Variants in PCGF6 observed in about 807,000 individuals in gnomAD.
The protein encoded by PCGF6 is polycomb group RING finger protein 6.
A neutral mutation model predicts 45.5 loss-of-function variants in PCGF6; 24 were observed. The observed-to-expected ratio is 0.53, with a 90% CI of 0.38 to 0.74. The LOEUF (loss-of-function observed/expected upper bound fraction) is 0.74. Among genes scored for constraint, PCGF6 ranks in the 30% least tolerant of loss-of-function variants. The probability of loss-of-function intolerance (pLI) is 0.00; values close to 1 mark genes in which losing one functional copy is unlikely to be tolerated. For missense variants in PCGF6, 356 were observed against 443.2 expected (o/e 0.80, Z 1.77); for synonymous variants, 152 against 162.1 (o/e 0.94, Z 0.47).
intron 9 of PCGF6, 63 bp from the exon 10 acceptor site, chr10:103,304,024 A>G (rs367564774): frequency 7.3e-7 from 1 of 1,375,038 alleles, no homozygotes; most frequent in Admixed American, 1.9e-5. Context: ...CAAATGATCA[A>G]GTCAAAGCTG....
intron 8 of PCGF6, among the ~76,000 whole-genome samples, chr10:103,319,868 C>T (rs764561446): frequency 1.3e-5 from 2 of 151,894 alleles, no homozygotes; most frequent in Non-Finnish European, 2.9e-5. Context: ...TGCAGTGGTG[C>T]GATCTCGGCT....
intron 6 of PCGF6, among the ~76,000 whole-genome samples, chr10:103,336,648 G>A (rs1035025936): frequency 6.6e-6 from 1 of 152,150 alleles, no homozygotes; most frequent in Non-Finnish European, 1.5e-5. Context: ...GCTGAGGTAG[G>A]TGGATCGCTT....
intron 7 of PCGF6, among the ~76,000 whole-genome samples, chr10:103,327,493 T>C (rs1488216726): frequency 6.6e-6 from 1 of 152,122 alleles, no homozygotes; most frequent in African/African-American, 2.4e-5. Context: ...TACATGAATA[T>C]CTGATCAAGG....
intron 1 of PCGF6, 70 bp downstream of exon 1, chr10:103,350,637 G>A (rs1309613038): frequency 7.4e-7 from 1 of 1,346,748 alleles, no homozygotes; most frequent in Non-Finnish European, 9.6e-7. Flanking sequence ...GCCGGCGCCC[G>A]GCAGACGAGG....
intron 6 of PCGF6, among the ~76,000 whole-genome samples, chr10:103,334,578 T>C (rs2093250139): frequency 6.6e-6 from 1 of 152,220 alleles, no homozygotes; most frequent in African/African-American, 2.4e-5. Context: ...TTTTCCTCTC[T>C]ATAGTAACAT....
chr10:103,340,690 G>A (rs926539652), intron 6 of PCGF6, among the ~76,000 whole-genome samples: 2 of 151,580 alleles, frequency 1.3e-5, no homozygotes, highest in Admixed American at 6.6e-5. Context: ...TCAAACTCCC[G>A]GGCTCAGTCG....
At chr10:103,339,807 AAAAACACAC>A (rs1223449946) in intron 6 of PCGF6, among the ~76,000 whole-genome samples, 459 of 45,168 alleles carry the variant, frequency 0.01, 28 homozygotes, top group Middle Eastern at 0.076. Flanking sequence ...GTCTCAAAAA[AAAAACACAC>A]ACACACACAC....
At chr10:103,317,778 CAG>C (rs1216386588) in intron 8 of PCGF6, among the ~76,000 whole-genome samples, 1 of 150,952 alleles carries the variant, frequency 6.6e-6, no homozygotes, top group Non-Finnish European at 1.5e-5. Context: ...TTTTTTGAGA[CAG>C]AGTTTCGCTC....
At chr10:103,327,051 C>A (rs2093221565) in intron 7 of PCGF6, among the ~76,000 whole-genome samples, 1 of 152,168 alleles carries the variant, frequency 6.6e-6, no homozygotes. Context: ...CTTTGGGAGG[C>A]AGAGGCAGGC....
chr10:103,314,954 TAAAAAAAAAAAAAA>T (rs60182387), intron 8 of PCGF6, among the ~76,000 whole-genome samples: 2 of 57,180 alleles, frequency 3.5e-5, no homozygotes, highest in Non-Finnish European at 5.8e-5. Flanking sequence ...GACTCTGTCA[TAAAAAAAAAAAAAA>T]AAAAAAAAAA....
At position 103,304,046 on chromosome 10, in the gene PCGF6, T is replaced by C. The variant is rs147524494; in HGVS notation, c.997-85A>G. ...TCAAGTCAAAGCTGGCTTACTTTTT[T>C]TTAATAATCTAACACTAAGGTGAAA... On this transcript the variant is annotated intron_variant, in intron 9 of 9. Coordinates refer to ENST00000369847, the MANE Select transcript of PCGF6 (RefSeq NM_001011663.2). 1.3e-3 allele frequency: 1,385 copies of C among 1,058,970 alleles called. 11 individuals are homozygous for C. In the African/African-American group the frequency reaches 0.019, roughly 15 times the overall value. The allele number at this position is 1,058,970 out of a possible 1,614,324, so 65.6% of individuals were successfully genotyped here.
At position 103,350,995 on chromosome 10, in the gene PCGF6, C is replaced by CGGAGGT. The variant is rs1393913703; in HGVS notation, c.71_72insACCTCC (p.Pro27_Pro28dup). ...CGGGCGGGGAGACAGGAGGCGGAGG[C>CGGAGGT]GGCAAGGCTGCAGCTCCCTCGGTTT... On this transcript the variant is annotated inframe_insertion, in exon 1 of 10. Coordinates refer to ENST00000369847, the MANE Select transcript of PCGF6 (RefSeq NM_001011663.2). The CGGAGGT allele has an allele frequency of 6.9e-7, 1 of 1,439,646 alleles. No individual in the cohort carries two copies. Among genetic ancestry groups the CGGAGGT allele is most frequent in the Non-Finnish European group, 9.1e-7 (1 of 1,098,528 alleles). The allele number at this position is 1,439,646 out of a possible 1,614,324, so 89.2% of individuals were successfully genotyped here. A position where few individuals can be genotyped will look rare whatever the true frequency, so the allele number is the denominator to read the frequency against.
intron 9 of PCGF6, among the ~76,000 whole-genome samples, chr10:103,304,337 T>C (rs932312326): frequency 1.3e-5 from 2 of 151,888 alleles, no homozygotes; most frequent in African/African-American, 4.8e-5. Context: ...CATGTATGTA[T>C]GTATACATTT....
intron 9 of PCGF6, among the ~76,000 whole-genome samples, chr10:103,311,906 C>T (rs1393283393): frequency 1.3e-5 from 2 of 149,136 alleles, no homozygotes; most frequent in Admixed American, 6.7e-5. Flanking sequence ...CTCGCCAACA[C>T]GGTGAAACCT....
chr10:103,337,585 A>C (rs998503212), intron 6 of PCGF6, among the ~76,000 whole-genome samples: 3 of 152,122 alleles, frequency 2.0e-5, no homozygotes, highest in African/African-American at 7.2e-5. Flanking sequence ...TCTTTTTATA[A>C]TCTACTTTAC....
chr10:103,331,230 G>A (rs1240536700), intron 7 of PCGF6, among the ~76,000 whole-genome samples: 3 of 152,018 alleles, frequency 2.0e-5, no homozygotes, highest in Non-Finnish European at 2.9e-5. Context: ...CAGCTAATAG[G>A]TTATATACAC....
At chr10:103,304,075 T>C in intron 9 of PCGF6, 114 bp from the exon 10 acceptor site, 1 of 788,892 alleles carries the variant, frequency 1.3e-6, no homozygotes, top group Non-Finnish European at 2.1e-6. Flanking sequence ...GGTGAAATTC[T>C]TTAATTTAAA....
intron 7 of PCGF6, among the ~76,000 whole-genome samples, chr10:103,328,809 T>G (rs2093228645): frequency 1.3e-5 from 2 of 152,082 alleles, no homozygotes; most frequent in African/African-American, 4.8e-5. Flanking sequence ...TGGAGTGCAG[T>G]GGAGCGATCG....
chr10:103,333,032 T>G (rs150766911), intron 7 of PCGF6, among the ~76,000 whole-genome samples: 1 of 151,316 alleles, frequency 6.6e-6, no homozygotes, highest in African/African-American at 2.4e-5. Context: ...GGTTCAAGAA[T>G]TGCTTGAACC....
Sources: allele counts gnomAD v4.1 joint callset (sites outside exome capture counted in the v4.1 genomes callset), GRCh38; gene constraint gnomAD v4.1.1; transcripts MANE v1.5; gene names NCBI Gene and HGNC (gene_info 2026-07-23, HGNC 2026-07-21).